KIAA1958: variants seen among roughly 807,000 people sequenced by gnomAD.
KIAA1958 encodes the protein KIAA1958.
Under a neutral mutation model 47.2 loss-of-function variants are expected in KIAA1958, and 14 were observed. That is an observed-to-expected ratio of 0.30 (90% CI 0.20 to 0.46). The LOEUF (loss-of-function observed/expected upper bound fraction) is 0.46, where lower values mean the gene tolerates loss of function less well. KIAA1958 is among the 20% of genes least tolerant of loss of function. KIAA1958 has a pLI of 1.00. For missense variants in KIAA1958, 803 were observed against 909.2 expected (o/e 0.88, Z 1.50); for synonymous variants, 354 against 353.3 (o/e 1.00, Z -0.02).
At chr9:112,521,014 A>G (rs1284282811) in intron 1 of KIAA1958, among the ~76,000 whole-genome samples, 2 of 152,026 alleles carry the variant, frequency 1.3e-5, no homozygotes, top group African/African-American at 2.4e-5. Flanking sequence ...TTACATTATA[A>G]GCCTTTTCTT....
rs898936408 is a variant in KIAA1958 at position 112,663,243 on chromosome 9, C to G, written c.*3174C>G. The G allele has an allele frequency of 3.3e-5, 5 of 152,490 alleles. No individual in the cohort carries two copies. Among genetic ancestry groups the G allele is most frequent in the Admixed American group, 6.6e-5 (1 of 15,228 alleles). The allele number at this position is 152,490 out of a possible 1,614,324, so 9.4% of individuals were successfully genotyped here. A position where few individuals can be genotyped will look rare whatever the true frequency, so the allele number is the denominator to read the frequency against. ...GGAGCCCTACTTTCTGTCTATCCCC[C>G]CCACCGCCGGCCCCCGGAATCTAAG... is the stretch of plus-strand genomic sequence containing the variant. On this transcript the variant is annotated 3_prime_UTR_variant, in exon 4 of 4. Coordinates refer to ENST00000337530, the MANE Select transcript of KIAA1958 (RefSeq NM_133465.4).
In KIAA1958 at chr9:112,662,234, C is replaced by G. The variant is rs908827995; in HGVS notation, c.*2165C>G. Reference sequence around the variant, plus strand: ...GAAGTGAATTATTATAATTAATAATCAGGAGGGCGAATCTTCAGTGGCATC... The same window carrying G: ...GAAGTGAATTATTATAATTAATAATGAGGAGGGCGAATCTTCAGTGGCATC... On this transcript the variant is annotated 3_prime_UTR_variant, in exon 4 of 4. Transcript: ENST00000337530. 4.6e-5 allele frequency: 7 copies of G among 152,122 alleles called. No individual in the cohort carries two copies. The highest frequency in any genetic ancestry group is 1.0e-4 in the Non-Finnish European group (7 of 68,034). 9.4% of individuals were successfully genotyped at this position (152,122 alleles called of 1,614,324 possible).
intron 2 of KIAA1958, among the ~76,000 whole-genome samples, chr9:112,642,145 GC>G (rs1396298646): frequency 6.6e-6 from 1 of 152,120 alleles, no homozygotes; most frequent in East Asian, 1.9e-4. Flanking sequence ...ATTGCTAAAG[GC>G]TCCTGTCTGA....
intron 1 of KIAA1958, among the ~76,000 whole-genome samples, chr9:112,505,522 A>C (rs756321213): frequency 1.3e-5 from 2 of 152,254 alleles, no homozygotes; most frequent in Non-Finnish European, 2.9e-5. Context: ...AAGCTTAACA[A>C]ATCCTTGAAT....
At chr9:112,504,256 G>A (rs1366096140) in intron 1 of KIAA1958, among the ~76,000 whole-genome samples, 1 of 150,484 alleles carries the variant, frequency 6.6e-6, no homozygotes, top group African/African-American at 2.4e-5. Flanking sequence ...GTGCGATCTC[G>A]GCTCACGGCA....
At chr9:112,498,031 A>G (rs1221764429) in intron 1 of KIAA1958, among the ~76,000 whole-genome samples, 1 of 152,180 alleles carries the variant, frequency 6.6e-6, no homozygotes, top group Non-Finnish European at 1.5e-5. Flanking sequence ...TAGCTTTTCC[A>G]GTGTATCTGA....
At chr9:112,596,376 A>G (rs1012010331) in intron 2 of KIAA1958, among the ~76,000 whole-genome samples, 1 of 152,142 alleles carries the variant, frequency 6.6e-6, no homozygotes, top group African/African-American at 2.4e-5. Flanking sequence ...ATTAAGATTT[A>G]TGTTACAGGT....
rs60211721 is a variant in KIAA1958, at chr9:112,545,825, G to GTGTTTTTTTTTTTTTT, written c.-24-28231_-24-28230insGTTTTTTTTTTTTTTT. ...TCTTTAGTGATACACAGGTTTCTTTGTTTTTTTTTTTTTTTTTTTTTAGTG... is the reference window on the plus strand; with the variant it reads ...TCTTTAGTGATACACAGGTTTCTTTGTGTTTTTTTTTTTTTTTTTTTTTTTTTTTTTTTTTTTAGTG... On this transcript the variant is annotated intron_variant, in intron 1 of 3. Transcript: ENST00000337530. 4.5e-4 allele frequency among the ~76,000 whole-genome samples: 42 copies of GTGTTTTTTTTTTTTTT among 93,002 alleles called. 6 individuals are homozygous for GTGTTTTTTTTTTTTTT. Among genetic ancestry groups the GTGTTTTTTTTTTTTTT allele is most frequent in the Non-Finnish European group, 5.2e-4 (25 of 47,898 alleles). 61.0% of individuals were successfully genotyped at this position (93,002 alleles called of 152,430 possible). A position where few individuals can be genotyped will look rare whatever the true frequency, so the allele number is the denominator to read the frequency against.
chr9:112,517,704 T>A (rs1344814957), intron 1 of KIAA1958, among the ~76,000 whole-genome samples: 1 of 152,204 alleles, frequency 6.6e-6, no homozygotes, highest in Non-Finnish European at 1.5e-5. Flanking sequence ...AAGATTTGTA[T>A]CTAGACTTTA....
chr9:112,639,436 T>C (rs1474882626), intron 2 of KIAA1958, among the ~76,000 whole-genome samples: 1 of 152,062 alleles, frequency 6.6e-6, no homozygotes, highest in African/African-American at 2.4e-5. Context: ...TAGGACACCC[T>C]CCTACATGGA....
At chr9:112,554,349 T>G (rs956249493) in intron 1 of KIAA1958, among the ~76,000 whole-genome samples, 2 of 151,786 alleles carry the variant, frequency 1.3e-5, no homozygotes, top group African/African-American at 2.4e-5. Flanking sequence ...AATACAAAAA[T>G]CAGCCGGGCA....
intron 1 of KIAA1958, among the ~76,000 whole-genome samples, chr9:112,500,141 G>A (rs746427854): frequency 6.6e-6 from 1 of 151,412 alleles, no homozygotes; most frequent in African/African-American, 2.4e-5. Flanking sequence ...TCGCTCTGTC[G>A]CCGAGCCTGG....
intron 1 of KIAA1958, among the ~76,000 whole-genome samples, chr9:112,552,913 C>CAG (rs1165208207): frequency 1.3e-5 from 2 of 152,154 alleles, no homozygotes; most frequent in Non-Finnish European, 2.9e-5. Context: ...TGCAGCACAT[C>CAG]ATCCCTTTAT....
intron 1 of KIAA1958, among the ~76,000 whole-genome samples, chr9:112,504,924 G>A (rs527297320): frequency 4.9e-4 from 75 of 152,230 alleles, no homozygotes; most frequent in African/African-American, 1.8e-3. Flanking sequence ...TATTGCTGGA[G>A]TACAATACAT....
chr9:112,653,616 A>G (rs1360488167), intron 3 of KIAA1958, among the ~76,000 whole-genome samples: 4 of 152,114 alleles, frequency 2.6e-5, no homozygotes, highest in Non-Finnish European at 4.4e-5. Flanking sequence ...CCTACAAGAC[A>G]GAAGCAGGCC....
chr9:112,659,958 A>C lies in KIAA1958; in HGVS notation c.2040A>C (p.Gly680=). 1 of 1,614,188 alleles carries C rather than the reference A, an allele frequency of 6.2e-7. No individual in the cohort carries two copies. Among genetic ancestry groups the C allele is most frequent in the Non-Finnish European group, 8.5e-7 (1 of 1,180,032 alleles). ...EQRMGLRSLR[G]IVPNLAKKVK... is the part of the protein sequence containing the mutation. ...GGATGGGGCTGCGCTCTCTTCGGGG[A>C]ATTGTCCCAAACTTAGCCAAGAAGG... Residue 680 remains glycine (G), a synonymous_variant, in exon 4 of 4, where the codon GGA becomes GGC. Transcript: ENST00000337530.
intron 2 of KIAA1958, among the ~76,000 whole-genome samples, chr9:112,611,392 A>C (rs557179078): frequency 6.6e-6 from 1 of 152,294 alleles, no homozygotes; most frequent in East Asian, 1.9e-4. Flanking sequence ...GGTTGGGTAC[A>C]ATACAAATAT....
In KIAA1958 at chr9:112,579,890, C is replaced by T. The variant is rs144599710; in HGVS notation, c.1171+4639C>T. On this transcript the variant is annotated intron_variant, in intron 2 of 3. Transcript: ENST00000337530. ...AGGAGAGAATTGACTGCCTTATAGT[C>T]CAAGGACAGATTTTCAAACCAGCTT... Among the ~76,000 whole-genome samples the T allele has an allele frequency of 9.2e-3, 1,402 of 152,214 alleles. 10 individuals are homozygous for T. Among genetic ancestry groups the T allele is most frequent in the Admixed American group, 0.017 (253 of 15,288 alleles).
chr9:112,608,998 C>T (rs534079354), intron 2 of KIAA1958, among the ~76,000 whole-genome samples: 28 of 152,314 alleles, frequency 1.8e-4, no homozygotes, highest in African/African-American at 5.8e-4. Flanking sequence ...AAAGGAGATA[C>T]TGAAATAGTC....
Sources: allele counts gnomAD v4.1 joint callset (sites outside exome capture counted in the v4.1 genomes callset), GRCh38; gene constraint gnomAD v4.1.1; transcripts MANE v1.5; gene names NCBI Gene and HGNC (gene_info 2026-07-23, HGNC 2026-07-21).